SDK1: variants seen among roughly 807,000 people sequenced by gnomAD.
SDK1 encodes sidekick cell adhesion molecule 1, also known as protein sidekick-1.
A neutral mutation model predicts 245.5 loss-of-function variants in SDK1; 157 were observed. That is an observed-to-expected ratio of 0.64 (90% CI 0.56 to 0.73). SDK1 has a LOEUF of 0.73. Among genes scored for constraint, SDK1 ranks in the 30% least tolerant of loss-of-function variants. SDK1 has a pLI of 0.00. For missense variants in SDK1, 3,583 were observed against 3,002.3 expected, an observed-to-expected ratio of 1.19 and a Z score of -4.52; for synonymous variants, 1,647 against 1,278.5, an observed-to-expected ratio of 1.29 and a Z score of -6.15.
intron 36 of SDK1, 65 bp from the exon 37 acceptor site, chr7:4,208,034 C>A: frequency 8.0e-7 from 1 of 1,253,458 alleles, no homozygotes; most frequent in Non-Finnish European, 1.1e-6. Context: ...ACCTTACACT[C>A]AGTGGCCCCC....
chr7:3,649,916 A>C (rs1297921755), intron 4 of SDK1, among the ~76,000 whole-genome samples: 1 of 152,136 alleles, frequency 6.6e-6, no homozygotes, highest in East Asian at 1.9e-4. Context: ...GCTAAACTGA[A>C]AGAGACTCTG....
chr7:4,254,464 T>C (rs2128241669), intron 44 of SDK1, among the ~76,000 whole-genome samples: 1 of 152,332 alleles, frequency 6.6e-6, no homozygotes, highest in African/African-American at 2.4e-5. Context: ...TTCCCATTTG[T>C]GTTTTTAAAA....
intron 4 of SDK1, among the ~76,000 whole-genome samples, chr7:3,707,128 C>T (rs1002647926): frequency 2.6e-5 from 4 of 151,922 alleles, no homozygotes; most frequent in African/African-American, 9.7e-5. Flanking sequence ...TCTCTAGTTC[C>T]TTGAGATATG....
chr7:4,211,800 A>G (rs1437811376), intron 38 of SDK1, among the ~76,000 whole-genome samples: 2 of 152,078 alleles, frequency 1.3e-5, no homozygotes, highest in Admixed American at 6.5e-5. Flanking sequence ...TAGTAGAGAC[A>G]GGGTTTCACC....
At chr7:3,843,623 T>C (rs1780209941) in intron 5 of SDK1, among the ~76,000 whole-genome samples, 1 of 152,236 alleles carries the variant, frequency 6.6e-6, no homozygotes, top group Admixed American at 6.5e-5. Flanking sequence ...ACAATATTAT[T>C]GTGGGCACTC....
intron 1 of SDK1, among the ~76,000 whole-genome samples, chr7:3,557,821 C>A (rs1397689185): frequency 2.0e-5 from 3 of 152,024 alleles, no homozygotes; most frequent in African/African-American, 2.4e-5. Flanking sequence ...CTGTATGACT[C>A]CAGAGACCTT....
rs115477354 is a variant in SDK1 at position 4,003,119 on chromosome 7, C to G, written c.2132-7847C>G. On this transcript the variant is annotated intron_variant, in intron 14 of 44. Coordinates refer to ENST00000404826, the MANE Select transcript of SDK1 (RefSeq NM_152744.4). ...AATCCCAGTGGCTTTAACCCCAGCTCTCTGACAGCCCTCACTCTTGTGTGC... is the reference window on the plus strand; with the variant it reads ...AATCCCAGTGGCTTTAACCCCAGCTGTCTGACAGCCCTCACTCTTGTGTGC... 4.0e-3 allele frequency among the ~76,000 whole-genome samples: 617 copies of G among 152,384 alleles called. 3 individuals carry two copies. The highest frequency in any genetic ancestry group is 0.014 in the African/African-American group (578 of 41,596).
At chr7:3,618,855 C>T (rs1294172869) in intron 1 of SDK1, among the ~76,000 whole-genome samples, 2 of 152,186 alleles carry the variant, frequency 1.3e-5, no homozygotes, top group Non-Finnish European at 2.9e-5. Flanking sequence ...CTGTCAGATG[C>T]TTTCAAATGC....
rs1287518223 is a variant in SDK1, at chr7:3,582,439, TCTCAGGTAGGTCTCC to T, written c.299-36627_299-36613del. Among the ~76,000 whole-genome samples the T allele has an allele frequency of 1.6e-3, 212 of 136,488 alleles. 2 individuals carry two copies. Among genetic ancestry groups the T allele is most frequent in the African/African-American group, 2.1e-3 (75 of 35,862 alleles). The allele number at this position is 136,488 out of a possible 152,430, so 89.5% of individuals were successfully genotyped here. ...GGTAGGTCTGTCTCAGGTAGGTCTG[TCTCAGGTAGGTCTCC>T]CTCAGGTAGGTCTGTCTCAGGTAGG... On this transcript the variant is annotated intron_variant, in intron 1 of 44. Coordinates refer to ENST00000404826, the MANE Select transcript of SDK1 (RefSeq NM_152744.4).
At chr7:4,165,967 T>G (rs1781473494) in intron 32 of SDK1, among the ~76,000 whole-genome samples, 1 of 151,904 alleles carries the variant, frequency 6.6e-6, no homozygotes, top group African/African-American at 2.4e-5. Context: ...TTCAAAAAAT[T>G]TCATAGAGAT....
At chr7:3,881,356 T>C (rs2128099524) in intron 5 of SDK1, among the ~76,000 whole-genome samples, 1 of 152,330 alleles carries the variant, frequency 6.6e-6, no homozygotes, top group Middle Eastern at 3.4e-3. Flanking sequence ...ATGAAGTGTT[T>C]GGTTTTCTGT....
chr7:3,454,156 C>T (rs542604842), intron 1 of SDK1, among the ~76,000 whole-genome samples: 2 of 152,084 alleles, frequency 1.3e-5, no homozygotes. Context: ...TGGTTGCCTG[C>T]TTACTCATTC....
At chr7:3,401,173 A>G (rs556930659) in intron 1 of SDK1, among the ~76,000 whole-genome samples, 1 of 152,314 alleles carries the variant, frequency 6.6e-6, no homozygotes, top group African/African-American at 2.4e-5. Context: ...ACTAAAATCC[A>G]TACTTGATGA....
chr7:3,905,730 T>C (rs1334012966), intron 5 of SDK1, among the ~76,000 whole-genome samples: 1 of 151,910 alleles, frequency 6.6e-6, no homozygotes, highest in Non-Finnish European at 1.5e-5. Context: ...TCAAGCAATC[T>C]TCTAGACTCA....
chr7:3,997,446 G>A (rs900742072), intron 14 of SDK1, among the ~76,000 whole-genome samples: 23 of 152,026 alleles, frequency 1.5e-4, no homozygotes, highest in Admixed American at 9.2e-4. Flanking sequence ...AGCTCATCCC[G>A]ACAAGTGTTC....
At chr7:4,015,261 G>A (rs1038182443) in intron 16 of SDK1, among the ~76,000 whole-genome samples, 3 of 152,156 alleles carry the variant, frequency 2.0e-5, no homozygotes, top group East Asian at 1.9e-4. Context: ...AAAGTCTTCC[G>A]ATGCTGGTTC....
intron 1 of SDK1, among the ~76,000 whole-genome samples, chr7:3,562,960 G>A (rs1166677444): frequency 6.6e-6 from 1 of 151,470 alleles, no homozygotes; most frequent in Non-Finnish European, 1.5e-5. Flanking sequence ...AAAGTTCATT[G>A]ATGTCTTGAA....
At chr7:3,924,573 G>A (rs138820914) in intron 5 of SDK1, among the ~76,000 whole-genome samples, 54 of 152,264 alleles carry the variant, frequency 3.5e-4, no homozygotes, top group African/African-American at 1.2e-3. Flanking sequence ...GGTCTCGTAC[G>A]TTATCATCTG....
At chr7:3,850,147 G>A (rs1780381420) in intron 5 of SDK1, among the ~76,000 whole-genome samples, 2 of 152,194 alleles carry the variant, frequency 1.3e-5, no homozygotes, top group African/African-American at 4.8e-5. Context: ...AAGAGCACCT[G>A]CCCTGGGAAT....
Sources: allele counts gnomAD v4.1 joint callset (sites outside exome capture counted in the v4.1 genomes callset), GRCh38; gene constraint gnomAD v4.1.1; transcripts MANE v1.5; gene names NCBI Gene and HGNC (gene_info 2026-07-23, HGNC 2026-07-21).